The following SMARCA2 variants were observed in gnomAD, a reference collection of about 807,000 sequenced individuals.
SMARCA2 encodes SWI/SNF related BAF chromatin remodeling complex subunit ATPase 2.
A neutral mutation model predicts 199.8 loss-of-function variants in SMARCA2; 61 were observed. The ratio of observed to expected loss-of-function variants is 0.31; its 90% CI spans 0.25 to 0.38. The LOEUF (loss-of-function observed/expected upper bound fraction) is 0.38. Ranked by LOEUF, SMARCA2 falls within the 10% of genes least tolerant of loss-of-function variation. The probability of loss-of-function intolerance (pLI) is 1.00; values close to 1 mark genes in which losing one functional copy is unlikely to be tolerated. For synonymous variants in SMARCA2, 935 were observed against 732.0 expected (o/e 1.28, Z -4.48); for missense variants, 1,344 against 2,012.2 (o/e 0.67, Z 6.35).
In SMARCA2 at chr9:2,174,581, G is replaced by A. The variant is rs550780038; in HGVS notation, c.4253+4109G>A. 4.6e-5 allele frequency among the ~76,000 whole-genome samples: 7 copies of A among 152,220 alleles called. 1 individual carries two copies. In the South Asian group the frequency reaches 1.5e-3, roughly 32 times the overall value. On this transcript the variant is annotated intron_variant, in intron 29 of 33. Transcript: ENST00000349721. ...CAGAAGCTTTGTGCTTTTTAATTTG[G>A]TCGCAATTCAGCCAAAAGCTTTGAA...
intron 1 of SMARCA2, among the ~76,000 whole-genome samples, chr9:2,022,838 A>G (rs538220818): frequency 9.2e-5 from 14 of 152,260 alleles, no homozygotes; most frequent in African/African-American, 3.1e-4. Flanking sequence ...ATGATTTGAA[A>G]CTAACTTTTT....
intron 9 of SMARCA2, among the ~76,000 whole-genome samples, chr9:2,066,960 T>C (rs1428998280): frequency 6.6e-6 from 1 of 152,210 alleles, no homozygotes; most frequent in East Asian, 1.9e-4. Flanking sequence ...TTTTTAAGTT[T>C]TGAGACACAG....
chr9:2,150,537 A>C (rs1825009696), intron 27 of SMARCA2, among the ~76,000 whole-genome samples: 1 of 151,764 alleles, frequency 6.6e-6, no homozygotes, highest in East Asian at 1.9e-4. Flanking sequence ...GGATGGCAGG[A>C]AAGATAAAGC....
chr9:2,052,209 C>T (rs1373227864), intron 5 of SMARCA2, among the ~76,000 whole-genome samples: 2 of 152,254 alleles, frequency 1.3e-5, no homozygotes, highest in Non-Finnish European at 2.9e-5. Flanking sequence ...CATGGTGGCT[C>T]ATGCCTGTAA....
At chr9:2,078,042 C>A (rs1821403517) in intron 14 of SMARCA2, among the ~76,000 whole-genome samples, 1 of 152,174 alleles carries the variant, frequency 6.6e-6, no homozygotes. Flanking sequence ...GAAAACCCAG[C>A]CACATTCTAT....
chr9:2,162,865 A>G (rs558460639), intron 28 of SMARCA2: 3 of 152,204 alleles, frequency 2.0e-5, no homozygotes, highest in South Asian at 2.1e-4. Context: ...TCCACTTAAC[A>G]TATTGTCCTC....
intron 13 of SMARCA2, among the ~76,000 whole-genome samples, chr9:2,077,196 C>A (rs1348329001): frequency 2.6e-5 from 4 of 152,274 alleles, no homozygotes; most frequent in Admixed American, 2.0e-4. Flanking sequence ...GCCCTCTCCC[C>A]CTGCCCTCCC....
chr9:2,137,396 C>G (rs1283197621), intron 27 of SMARCA2, among the ~76,000 whole-genome samples: 2 of 152,138 alleles, frequency 1.3e-5, no homozygotes, highest in Non-Finnish European at 2.9e-5. Flanking sequence ...CCACAATCAC[C>G]AGGCCTTTGC....
chr9:2,171,784 A>G (rs1460085218), intron 29 of SMARCA2, among the ~76,000 whole-genome samples: 1 of 152,208 alleles, frequency 6.6e-6, no homozygotes, highest in Non-Finnish European at 1.5e-5. Flanking sequence ...GGCATGATGT[A>G]AGCTGAATGC....
In SMARCA2 at chr9:2,073,821, C is replaced by G. The variant is rs188400229; in HGVS notation, c.1935+198C>G. Among the ~76,000 whole-genome samples the G allele has an allele frequency of 2.0e-5, 3 of 152,150 alleles. No individual in the cohort carries two copies. In the East Asian group the frequency reaches 5.8e-4, roughly 29 times the overall value. On this transcript the variant is annotated intron_variant, in intron 12 of 33. Coordinates refer to ENST00000349721, the MANE Select transcript of SMARCA2 (RefSeq NM_003070.5). ...GTGGTACAGTGATCTCTTGGAAGGC[C>G]CTGGCTAATGGGGAAACCTGGCACA...
chr9:2,172,543 T>C (rs1826312074), intron 29 of SMARCA2, among the ~76,000 whole-genome samples: 1 of 151,908 alleles, frequency 6.6e-6, no homozygotes, highest in African/African-American at 2.4e-5. Flanking sequence ...TGTGACCAGC[T>C]CATTGGAGAC....
chr9:2,175,040 C>T lies in SMARCA2; in HGVS notation c.4253+4568C>T, dbSNP rs372922734. Among the ~76,000 whole-genome samples the T allele has an allele frequency of 1.8e-3, 272 of 151,130 alleles. 2 individuals carry two copies. The highest frequency in any genetic ancestry group is 5.3e-3 in the Admixed American group (80 of 15,170). On this transcript the variant is annotated intron_variant, in intron 29 of 33. Coordinates refer to ENST00000349721, the MANE Select transcript of SMARCA2 (RefSeq NM_003070.5). Reference sequence around the variant, plus strand: ...TCTTACATTTTGAAAGACAGGGACGCTTTGAGTCATGAGCGCGTGTAACGT... The same window carrying T: ...TCTTACATTTTGAAAGACAGGGACGTTTTGAGTCATGAGCGCGTGTAACGT...
chr9:2,055,305 G>C (rs776174308), intron 6 of SMARCA2, among the ~76,000 whole-genome samples: 22 of 152,196 alleles, frequency 1.4e-4, no homozygotes, highest in Non-Finnish European at 2.5e-4. Context: ...GTTTACAGCA[G>C]TTATTAAAAG....
At chr9:2,174,382 G>A (rs1213194322) in intron 29 of SMARCA2, among the ~76,000 whole-genome samples, 1 of 152,050 alleles carries the variant, frequency 6.6e-6, no homozygotes, top group Non-Finnish European at 1.5e-5. Context: ...TATTAATGGG[G>A]GAAAAAAATC....
chr9:2,064,036 T>G (rs1247475585), intron 9 of SMARCA2, among the ~76,000 whole-genome samples: 4 of 152,216 alleles, frequency 2.6e-5, no homozygotes, highest in Non-Finnish European at 4.4e-5. Flanking sequence ...ATTGAAAACC[T>G]AGTTATACGA....
intron 27 of SMARCA2, chr9:2,160,273 G>T: frequency 2.7e-6 from 1 of 371,810 alleles, no homozygotes; most frequent in East Asian, 4.3e-5. Flanking sequence ...CTCCTTCATA[G>T]TGGTTATCTG....
At chr9:2,172,966 G>C (rs928785544) in intron 29 of SMARCA2, among the ~76,000 whole-genome samples, 1 of 152,312 alleles carries the variant, frequency 6.6e-6, no homozygotes, top group African/African-American at 2.4e-5. Flanking sequence ...AGTGGAGGAA[G>C]ATAGTCCTTA....
chr9:2,177,960 C>A (rs1174993137), intron 29 of SMARCA2, among the ~76,000 whole-genome samples: 1 of 151,974 alleles, frequency 6.6e-6, no homozygotes, highest in Admixed American at 6.5e-5. Context: ...TATGCAGTCA[C>A]CAGTTTAGAG....
At chr9:2,101,742 G>A in intron 22 of SMARCA2, 126 bp downstream of exon 22, 1 of 494,780 alleles carries the variant, frequency 2.0e-6, no homozygotes, top group Non-Finnish European at 3.7e-6. Flanking sequence ...CTTCAGTGGA[G>A]AAGTTAACCA....
Sources: gnomAD v4.1 joint callset for allele counts (sites outside exome capture counted in the v4.1 genomes callset) on GRCh38, gnomAD v4.1.1 for gene constraint, MANE v1.5 for transcripts, NCBI Gene and HGNC (gene_info 2026-07-23, HGNC 2026-07-21) for gene names.